Variants in IFT74 observed in about 807,000 individuals in gnomAD.
The protein encoded by IFT74 is intraflagellar transport 74.
In IFT74, 92 loss-of-function variants were observed where a neutral mutation model predicts 96.7. The ratio of observed to expected loss-of-function variants is 0.95; its 90% CI spans 0.80 to 1.13. The LOEUF (loss-of-function observed/expected upper bound fraction) is 1.13, where lower values mean the gene tolerates loss of function less well. IFT74 is among the 50% of genes most tolerant of loss of function. The pLI is 0.00. For synonymous variants in IFT74, 223 were observed against 213.2 expected, an observed-to-expected ratio of 1.05 and a Z score of -0.40; for missense variants, 811 against 698.2, an observed-to-expected ratio of 1.16 and a Z score of -1.82.
chr9:26,963,714 G>C (rs1280705015), intron 2 of IFT74, among the ~76,000 whole-genome samples: 1 of 152,192 alleles, frequency 6.6e-6, no homozygotes, highest in African/African-American at 2.4e-5. Context: ...GGCCAGTGAT[G>C]ATGAGCATTG....
chr9:27,048,193 C>G lies in IFT74; in HGVS notation c.1252C>G (p.Leu418Val). 1 of 1,599,648 alleles carries G rather than the reference C, an allele frequency of 6.3e-7. No homozygotes were observed. ...EQISSITNQE[L>V]KMMQDDLNFK... ...GATATCCTCTATCACCAATCAAGAG[C>G]TAAAGATGATGCAGGATGACCTCAA... Residue 418 changes from leucine (L) to valine (V), a missense_variant, in exon 16 of 20, where the codon CTA becomes GTA. Physicochemically the swap from Leu to Val is conservative, Grantham distance 32 (BLOSUM62 1). Transcript: ENST00000380062.
intron 12 of IFT74, among the ~76,000 whole-genome samples, chr9:27,020,046 G>C (rs1210600511): frequency 6.6e-6 from 1 of 151,402 alleles, no homozygotes; most frequent in African/African-American, 2.4e-5. Flanking sequence ...TGCAATCTTG[G>C]CTCACTGCAA....
At chr9:26,987,341 C>G (rs1827684800) in intron 6 of IFT74, among the ~76,000 whole-genome samples, 1 of 152,144 alleles carries the variant, frequency 6.6e-6, no homozygotes, top group African/African-American at 2.4e-5. Flanking sequence ...CCACCCGCCT[C>G]AGCCTCCCAA....
chr9:27,060,540 T>C (rs371424808), intron 18 of IFT74, 51 bp from the exon 19 acceptor site: 12 of 1,235,720 alleles, frequency 9.7e-6, no homozygotes, highest in Non-Finnish European at 1.4e-5. Context: ...GAAAGGCATT[T>C]AATTGTTTTA....
chr9:27,053,062 A>G (rs1327095946), intron 16 of IFT74, among the ~76,000 whole-genome samples: 1 of 148,966 alleles, frequency 6.7e-6, no homozygotes, highest in Non-Finnish European at 1.5e-5. Flanking sequence ...ACGGGGTTTC[A>G]CCGTGTTAGC....
chr9:26,962,769 TAAC>T (rs1255409491), intron 2 of IFT74, among the ~76,000 whole-genome samples: 1 of 151,896 alleles, frequency 6.6e-6, no homozygotes, highest in Non-Finnish European at 1.5e-5. Flanking sequence ...ATGACAGAAA[TAAC>T]AAGTACTGAA....
At chr9:27,042,167 A>G (rs555690958) in intron 13 of IFT74, among the ~76,000 whole-genome samples, 2 of 152,318 alleles carry the variant, frequency 1.3e-5, no homozygotes, top group African/African-American at 4.8e-5. Flanking sequence ...GGGCTTCCAA[A>G]TCAATATATA....
intron 8 of IFT74, chr9:26,998,054 T>C (rs2131574810): frequency 3.1e-6 from 5 of 1,613,062 alleles, no homozygotes; most frequent in South Asian, 2.2e-5. Context: ...AAAACCGTTA[T>C]TATGTAAGAT....
chr9:26,975,329 G>GT (rs1827066912), intron 2 of IFT74, among the ~76,000 whole-genome samples: 1 of 152,144 alleles, frequency 6.6e-6, no homozygotes, highest in Non-Finnish European at 1.5e-5. Context: ...AAAGAGCATA[G>GT]TCTGTTTCCT....
intron 12 of IFT74, among the ~76,000 whole-genome samples, chr9:27,025,468 AGAAAAG>A (rs1829819744): frequency 6.6e-6 from 1 of 151,258 alleles, no homozygotes; most frequent in African/African-American, 2.4e-5. Context: ...AAAAAAGAAA[AGAAAAG>A]AAAGAATGTC....
chr9:27,037,275 T>C (rs1819250816), intron 13 of IFT74, among the ~76,000 whole-genome samples: 1 of 147,346 alleles, frequency 6.8e-6, no homozygotes, highest in African/African-American at 2.5e-5. Context: ...AATGTATGAG[T>C]AGACAAAATA....
chr9:27,016,845 C>T, intron 10 of IFT74, 62 bp from the exon 11 acceptor site: 2 of 1,336,850 alleles, frequency 1.5e-6, no homozygotes, highest in Non-Finnish European at 2.0e-6. Context: ...AAACTGAAAC[C>T]TATTTTAGAA....
intron 13 of IFT74, among the ~76,000 whole-genome samples, chr9:27,037,579 A>G (rs544633631): frequency 6.6e-6 from 1 of 152,196 alleles, no homozygotes; most frequent in African/African-American, 2.4e-5. Flanking sequence ...AACTTGTTAT[A>G]GAAGAAGAGG....
At chr9:26,966,419 T>G (rs1225505876) in intron 2 of IFT74, among the ~76,000 whole-genome samples, 1 of 152,170 alleles carries the variant, frequency 6.6e-6, no homozygotes, top group Admixed American at 6.5e-5. Flanking sequence ...ATTTCTCTGA[T>G]GATCAGTGAT....
At chr9:26,962,305 A>G (rs1342004519) in intron 2 of IFT74, among the ~76,000 whole-genome samples, 1 of 152,154 alleles carries the variant, frequency 6.6e-6, no homozygotes, top group Admixed American at 6.5e-5. Context: ...TTGTTTCTTT[A>G]TTTCATAAGC....
At chr9:26,975,984 A>G (rs1299387430) in intron 2 of IFT74, among the ~76,000 whole-genome samples, 1 of 152,220 alleles carries the variant, frequency 6.6e-6, no homozygotes, top group East Asian at 1.9e-4. Context: ...AACATCATCT[A>G]CATACACTTT....
chr9:26,966,344 C>T (rs1404003920), intron 2 of IFT74, among the ~76,000 whole-genome samples: 1 of 151,896 alleles, frequency 6.6e-6, no homozygotes, highest in Non-Finnish European at 1.5e-5. Context: ...TTGCTATTGC[C>T]TTTCTTTTGG....
intron 2 of IFT74, among the ~76,000 whole-genome samples, chr9:26,972,218 G>GTCT (rs1316551660): frequency 6.6e-6 from 1 of 152,070 alleles, no homozygotes; most frequent in African/African-American, 2.4e-5. Context: ...TAACAGAATG[G>GTCT]TCTTATACTT....
At chr9:27,038,313 A>G (rs755820056) in intron 13 of IFT74, among the ~76,000 whole-genome samples, 10 of 152,010 alleles carry the variant, frequency 6.6e-5, no homozygotes, top group Non-Finnish European at 1.3e-4. Flanking sequence ...CCCAGGCTGG[A>G]GTGCAATGGC....
Sources: allele counts gnomAD v4.1 joint callset (sites outside exome capture counted in the v4.1 genomes callset), GRCh38; gene constraint gnomAD v4.1.1; transcripts MANE v1.5; gene names NCBI Gene and HGNC (gene_info 2026-07-23, HGNC 2026-07-21).